Variants in SRRM4 observed in about 807,000 individuals in gnomAD.
SRRM4 encodes the protein serine/arginine repetitive matrix 4.
Under a neutral mutation model 68.9 loss-of-function variants are expected in SRRM4, and 33 were observed. The ratio of observed to expected loss-of-function variants is 0.48; its 90% CI spans 0.36 to 0.64. The LOEUF is 0.64. SRRM4 is among the 30% of genes least tolerant of loss of function. The pLI is 0.00. For missense variants in SRRM4, 817 were observed against 827.1 expected (o/e 0.99, Z 0.15); for synonymous variants, 318 against 318.8 (o/e 1.00, Z 0.03).
intron 5 of SRRM4, 21 bp from the exon 6 acceptor site, chr12:119,122,049 A>G (rs1954222788): frequency 1.3e-6 from 2 of 1,561,794 alleles, no homozygotes; most frequent in African/African-American, 2.7e-5. Context: ...TCTTTCAATT[A>G]ATTGACCATT....
intron 1 of SRRM4, among the ~76,000 whole-genome samples, chr12:119,041,459 A>G (rs1953668416): frequency 2.6e-5 from 4 of 152,280 alleles, no homozygotes; most frequent in South Asian, 4.2e-4. Flanking sequence ...CATATAAATT[A>G]TTTTTTACAT....
At chr12:119,142,299 T>A (rs1047491221) in intron 8 of SRRM4, among the ~76,000 whole-genome samples, 1 of 152,248 alleles carries the variant, frequency 6.6e-6, no homozygotes, top group South Asian at 2.1e-4. Flanking sequence ...AGTGCCTTTA[T>A]CCCTGTTTTC....
intron 2 of SRRM4, among the ~76,000 whole-genome samples, chr12:119,106,946 T>C (rs1226007470): frequency 6.6e-6 from 1 of 152,216 alleles, no homozygotes; most frequent in Non-Finnish European, 1.5e-5. Context: ...GGCTGTGGGT[T>C]TGTCATAAAT....
rs985312511 is a variant in SRRM4 at position 119,151,318 on chromosome 12, G to A, written c.1280+98G>A. The A allele has an allele frequency of 8.0e-5, 93 of 1,168,020 alleles. 1 individual carries two copies. The highest frequency in any genetic ancestry group is 5.2e-4 in the Admixed American group (29 of 55,626). 72.4% of individuals were successfully genotyped at this position (1,168,020 alleles called of 1,614,324 possible). A position where few individuals can be genotyped will look rare whatever the true frequency, so the allele number is the denominator to read the frequency against. On this transcript the variant is annotated intron_variant, in intron 10 of 12. Coordinates refer to ENST00000267260, the MANE Select transcript of SRRM4 (RefSeq NM_194286.4). ...GACCCATGGGGGAGAGAAGTCAGACGGACTTAGGTTTGAATACTCGTTTTG... is the reference window on the plus strand; with the variant it reads ...GACCCATGGGGGAGAGAAGTCAGACAGACTTAGGTTTGAATACTCGTTTTG...
intron 1 of SRRM4, among the ~76,000 whole-genome samples, chr12:119,072,640 C>G (rs562504861): frequency 6.6e-6 from 1 of 152,172 alleles, no homozygotes; most frequent in Non-Finnish European, 1.5e-5. Context: ...ACAGAGACGT[C>G]GGACACCACC....
chr12:119,124,234 A>T (rs1954242856), intron 6 of SRRM4: 1 of 152,180 alleles, frequency 6.6e-6, no homozygotes, highest in Admixed American at 6.5e-5. Context: ...AGACATCATG[A>T]ACTGGGAAAT....
chr12:119,137,230 C>T (rs763112753), intron 8 of SRRM4, among the ~76,000 whole-genome samples: 1 of 152,000 alleles, frequency 6.6e-6, no homozygotes, highest in African/African-American at 2.4e-5. Context: ...CCGCCTCTCT[C>T]TATGGGGCCA....
chr12:119,052,537 ATTTATTT>A (rs1953750564), intron 1 of SRRM4, among the ~76,000 whole-genome samples: 2 of 151,504 alleles, frequency 1.3e-5, no homozygotes, highest in African/African-American at 4.9e-5. Flanking sequence ...TTGTTTATTT[ATTTATTT>A]TTGAGACAGA....
chr12:119,122,122 T>C lies in SRRM4; in HGVS notation c.515+2T>C. 1 of 1,603,680 alleles carries C rather than the reference T, an allele frequency of 6.2e-7. No homozygotes were observed. The highest frequency in any genetic ancestry group is 8.5e-7 in the Non-Finnish European group (1 of 1,170,552). On this transcript the variant is annotated splice_donor_variant, in intron 6 of 12. Transcript: ENST00000267260. LOFTEE classifies it high-confidence loss of function. ...AGATGAGAAGAGGCACAAGAAACAG[T>C]AAGTAGATACTACCTGGAATGTACT...
chr12:119,014,058 C>A (rs1953466308), intron 1 of SRRM4, among the ~76,000 whole-genome samples: 1 of 152,174 alleles, frequency 6.6e-6, no homozygotes, highest in Admixed American at 6.5e-5. Flanking sequence ...TCTATCCATT[C>A]TGAGAGTTAG....
intron 1 of SRRM4, among the ~76,000 whole-genome samples, chr12:119,008,520 T>G (rs781562178): frequency 6.6e-6 from 1 of 152,188 alleles, no homozygotes; most frequent in East Asian, 1.9e-4. Context: ...GCTACTCTTA[T>G]CTAATGTTGT....
At chr12:119,113,969 T>G in intron 2 of SRRM4, 1 of 197,098 alleles carries the variant, frequency 5.1e-6, no homozygotes, top group Non-Finnish European at 1.0e-5. Context: ...AGTGATTTAT[T>G]TACCAAGGCA....
chr12:119,053,934 T>C (rs746657048), intron 1 of SRRM4, among the ~76,000 whole-genome samples: 1 of 152,232 alleles, frequency 6.6e-6, no homozygotes, highest in Non-Finnish European at 1.5e-5. Context: ...TAGGTTAATA[T>C]TGGCTATAGT....
chr12:119,073,114 C>T (rs111735577), intron 1 of SRRM4, among the ~76,000 whole-genome samples: 1 of 151,538 alleles, frequency 6.6e-6, no homozygotes. Flanking sequence ...ATGTGACGCT[C>T]TAAGGAAATA....
At chr12:119,023,569 G>C (rs1953529611) in intron 1 of SRRM4, among the ~76,000 whole-genome samples, 1 of 152,176 alleles carries the variant, frequency 6.6e-6, no homozygotes, top group Non-Finnish European at 1.5e-5. Flanking sequence ...CTTACCATCA[G>C]GCTCTGGTCT....
chr12:119,028,137 G>A (rs1953561219), intron 1 of SRRM4, among the ~76,000 whole-genome samples: 1 of 152,168 alleles, frequency 6.6e-6, no homozygotes. Flanking sequence ...CTTAGGATTT[G>A]CATTTCTAAC....
rs756319158 is a variant in SRRM4 at position 118,987,491 on chromosome 12, T to G, written c.131+5478T>G. On this transcript the variant is annotated intron_variant, in intron 1 of 12. Coordinates refer to ENST00000267260, the MANE Select transcript of SRRM4 (RefSeq NM_194286.4). ...AAGAGCCACTGGAGATTGGTAGAGC[T>G]GTTTGAAACATTTGATGGACCTCAG... Among the ~76,000 whole-genome samples the G allele has an allele frequency of 2.6e-5, 4 of 152,336 alleles. No homozygotes were observed. The South Asian group carries it at 6.2e-4, about 24-fold the overall frequency.
At position 119,154,832 on chromosome 12, in the gene SRRM4, CT is replaced by C. The variant is rs1279436802; in HGVS notation, c.1532+451del. On this transcript the variant is annotated intron_variant, in intron 12 of 12. Coordinates refer to ENST00000267260, the MANE Select transcript of SRRM4 (RefSeq NM_194286.4). The surrounding 1 kb of genome is among the most constrained non-coding windows in gnomAD (Gnocchi z 4.7). ...CAGACCTGTACACTCAGCTGTCAGGCTTAAATAAACCTATATGTAATTATAC... is the reference window on the plus strand; with the variant it reads ...CAGACCTGTACACTCAGCTGTCAGGCTAAATAAACCTATATGTAATTATAC... 1.3e-5 allele frequency among the ~76,000 whole-genome samples: 2 copies of C among 152,208 alleles called. No individual in the cohort carries two copies. Among genetic ancestry groups the C allele is most frequent in the Non-Finnish European group, 2.9e-5 (2 of 68,042 alleles).
At chr12:119,095,636 G>A (rs1592896179) in intron 1 of SRRM4, among the ~76,000 whole-genome samples, 1 of 152,154 alleles carries the variant, frequency 6.6e-6, no homozygotes, top group Non-Finnish European at 1.5e-5. Context: ...CAATCTCCTG[G>A]CCAACTGCCA....
Sources: allele counts gnomAD v4.1 joint callset (sites outside exome capture counted in the v4.1 genomes callset), GRCh38; gene constraint gnomAD v4.1.1; non-coding constraint Gnocchi (gnomAD v3.1); transcripts MANE v1.5; gene names NCBI Gene and HGNC (gene_info 2026-07-23, HGNC 2026-07-21).